HSF5: variants seen among roughly 807,000 people sequenced by gnomAD.
HSF5 encodes heat shock transcription factor 5.
In HSF5, 5 loss-of-function variants were observed where a neutral mutation model predicts 50.8. The ratio of observed to expected loss-of-function variants is 0.10; its 90% CI spans 0.05 to 0.21. HSF5 has a LOEUF of 0.21. HSF5 is among the 10% of genes least tolerant of loss of function. HSF5 has a pLI of 1.00. For synonymous variants in HSF5, 307 were observed against 307.4 expected, an observed-to-expected ratio of 1.00 and a Z score of 0.02; for missense variants, 564 against 762.6, an observed-to-expected ratio of 0.74 and a Z score of 3.07.
chr17:58,483,315 A>T (rs1416265492), intron 1 of HSF5, among the ~76,000 whole-genome samples: 3 of 152,364 alleles, frequency 2.0e-5, no homozygotes, highest in South Asian at 4.1e-4. Context: ...AGTTAAAATT[A>T]GAACACAGTC....
intron 5 of HSF5, among the ~76,000 whole-genome samples, chr17:58,444,983 T>C (rs1974540387): frequency 6.6e-6 from 1 of 152,042 alleles, no homozygotes; most frequent in South Asian, 2.1e-4. Flanking sequence ...ATACAAATGA[T>C]ACTAAACATC....
chr17:58,480,089 C>T lies in HSF5; in HGVS notation c.729G>A (p.Glu243=). The T allele has an allele frequency of 1.9e-6, 3 of 1,614,102 alleles. No individual in the cohort carries two copies. Among genetic ancestry groups the T allele is most frequent in the Non-Finnish European group, 2.5e-6 (3 of 1,179,970 alleles). Residue 243 remains glutamate, a synonymous_variant, in exon 2 of 6, where the codon GAG becomes GAA. Transcript: ENST00000323777. ...NSLGMHPGQV[E]TSPTFSDKGV... ...CTTTATCTGAAAATGTGGGAGATGTCTCCACTTGTCCAGGATGCATTCCAA... is the reference window on the plus strand; with the variant it reads ...CTTTATCTGAAAATGTGGGAGATGTTTCCACTTGTCCAGGATGCATTCCAA...
At chr17:58,467,370 GTT>G (rs1974881609) in intron 2 of HSF5, among the ~76,000 whole-genome samples, 1 of 152,226 alleles carries the variant, frequency 6.6e-6, no homozygotes, top group Non-Finnish European at 1.5e-5. Flanking sequence ...AGGGTGGAGT[GTT>G]TTAAAAGAGT....
chr17:58,456,166 T>TACAC (rs750773079), intron 5 of HSF5, among the ~76,000 whole-genome samples: 36 of 141,380 alleles, frequency 2.5e-4, no homozygotes, highest in African/African-American at 4.0e-4. Context: ...TGTGTGTATA[T>TACAC]ACACACACAC....
At chr17:58,467,054 C>A in intron 2 of HSF5, 75 bp from the exon 3 acceptor site, 1 of 939,060 alleles carries the variant, frequency 1.1e-6, no homozygotes, top group Non-Finnish European at 1.7e-6. Context: ...TCCCCTCTTT[C>A]AACATGGAAA....
chr17:58,481,110 A>G (rs1975093399), intron 1 of HSF5, among the ~76,000 whole-genome samples: 1 of 152,166 alleles, frequency 6.6e-6, no homozygotes, highest in African/African-American at 2.4e-5. Context: ...TAAAAATGAT[A>G]ATCTTTATAA....
At chr17:58,448,850 A>G (rs1974597351) in intron 5 of HSF5, among the ~76,000 whole-genome samples, 1 of 152,244 alleles carries the variant, frequency 6.6e-6, no homozygotes, top group South Asian at 2.1e-4. Flanking sequence ...TCTTTAGTGT[A>G]AAGCCTAAGA....
intron 1 of HSF5, among the ~76,000 whole-genome samples, chr17:58,484,034 T>C (rs1169266792): frequency 1.3e-5 from 2 of 152,140 alleles, no homozygotes; most frequent in Non-Finnish European, 2.9e-5. Flanking sequence ...AAAACAAAGT[T>C]GTATTCTTGA....
At chr17:58,473,470 G>A (rs554696511) in intron 2 of HSF5, among the ~76,000 whole-genome samples, 134 of 152,104 alleles carry the variant, frequency 8.8e-4, no homozygotes, top group Non-Finnish European at 1.5e-3. Flanking sequence ...AAAATTAAAA[G>A]GTTTAAAATG....
At chr17:58,479,843 T>C in intron 2 of HSF5, 50 bp downstream of exon 2, 1 of 1,483,332 alleles carries the variant, frequency 6.7e-7, no homozygotes, top group Non-Finnish European at 9.1e-7. Context: ...ATATATATGC[T>C]CATTATAAAC....
At chr17:58,477,490 C>T (rs1458273869) in intron 2 of HSF5, among the ~76,000 whole-genome samples, 2 of 137,220 alleles carry the variant, frequency 1.5e-5, no homozygotes, top group East Asian at 2.2e-4. Flanking sequence ...GACGGAGTCT[C>T]GCTCTGTCGC....
At chr17:58,429,763 T>G (rs1974339955) in intron 5 of HSF5, among the ~76,000 whole-genome samples, 1 of 150,944 alleles carries the variant, frequency 6.6e-6, no homozygotes, top group African/African-American at 2.4e-5. Context: ...GGAGAATCAC[T>G]TGAGCCCAGG....
In HSF5 at chr17:58,462,824, T is replaced by C. The variant is rs1047205415; in HGVS notation, c.1500A>G (p.Ser500=). ...EHLNHNPSPS[S]VVFVQEGPPF... is the part of the protein sequence containing the mutation. ...GTGGCCCTTCCTGCACAAATACTAC[T>C]GAAGATGGAGATGGATTATGATTTA... The change falls in exon 4 of 6, where the codon TCA becomes TCG. Residue 500 remains serine, a synonymous_variant. Transcript: ENST00000323777. 2 of 1,613,078 alleles carry C rather than the reference T, an allele frequency of 1.2e-6. No homozygotes were observed. Among genetic ancestry groups the C allele is most frequent in the Non-Finnish European group, 1.7e-6 (2 of 1,179,396 alleles).
chr17:58,456,022 A>G (rs1440218662), intron 5 of HSF5, among the ~76,000 whole-genome samples: 1 of 152,156 alleles, frequency 6.6e-6, no homozygotes, highest in Non-Finnish European at 1.5e-5. Flanking sequence ...TTGAAGAGAC[A>G]TCTCCACACC....
intron 2 of HSF5, among the ~76,000 whole-genome samples, chr17:58,468,377 GAC>G (rs1275286082): frequency 1.3e-5 from 2 of 152,174 alleles, no homozygotes; most frequent in African/African-American, 4.8e-5. Context: ...CAGCCTGGGT[GAC>G]AGAGTAAGAC....
rs1018377306 is a variant in HSF5, at chr17:58,421,952, T to C, written c.*408A>G. The C allele has an allele frequency of 1.3e-5, 2 of 159,436 alleles. No homozygotes were observed. Among genetic ancestry groups the C allele is most frequent in the African/African-American group, 4.8e-5 (2 of 41,566 alleles). 9.9% of individuals were successfully genotyped at this position (159,436 alleles called of 1,614,324 possible). ...CCTCTAAAAGGATCACACTGTGACT[T>C]GAATCAGAGAGACTGAATTCCCCAC... On this transcript the variant is annotated 3_prime_UTR_variant, in exon 6 of 6. Transcript: ENST00000323777.
At chr17:58,455,874 G>A (rs2632508) in intron 5 of HSF5, among the ~76,000 whole-genome samples, 98,026 of 151,822 alleles carry the variant, frequency 0.65, 32,078 homozygotes, top group African/African-American at 0.74. Context: ...ACTCTTATAT[G>A]CTATTTGTAG....
rs1666500715 is a variant in HSF5 at position 58,488,001 on chromosome 17, C to T, written c.274G>A (p.Val92Met). The change falls in exon 1 of 6, where the codon GTG becomes ATG. Residue 92 changes from valine (V) to methionine (M), a missense_variant. By Grantham distance (21) the Val-to-Met change is conservative. Coordinates refer to ENST00000323777, the MANE Select transcript of HSF5 (RefSeq NM_001080439.3). This position sits in a 1 kb window ranked among gnomAD's most constrained non-coding sequence, Gnocchi z 4.1. The stretch of plus-strand genomic sequence containing the variant: ...CCGCCCCCCGGCCCGCCCAGCACCA[C>T]CTTGCGGAAGCCGTAGAGGTTGAGC... ...RQLNLYGFRKVVLGGPGGGKP... is the reference protein window; with the variant it reads ...RQLNLYGFRKMVLGGPGGGKP... 1.9e-6 allele frequency: 3 copies of T among 1,609,986 alleles called. No homozygotes were observed. The highest frequency in any genetic ancestry group is 2.5e-6 in the Non-Finnish European group (3 of 1,179,036).
intron 3 of HSF5, among the ~76,000 whole-genome samples, 199 bp from the exon 4 acceptor site, chr17:58,463,502 A>C (rs751649553): frequency 6.6e-6 from 1 of 152,218 alleles, no homozygotes; most frequent in Non-Finnish European, 1.5e-5. Flanking sequence ...TATATACTAC[A>C]TGTCAACCAC....
Sources: gnomAD v4.1 joint callset for allele counts (sites outside exome capture counted in the v4.1 genomes callset) on GRCh38, gnomAD v4.1.1 for gene constraint, Gnocchi (gnomAD v3.1) non-coding constraint, MANE v1.5 for transcripts, NCBI Gene and HGNC (gene_info 2026-07-23, HGNC 2026-07-21) for gene names.